Variants in TNNI3K observed in about 807,000 individuals in gnomAD.
TNNI3K encodes the protein TNNI3 interacting kinase, also known as serine/threonine-protein kinase TNNI3K.
Under a neutral mutation model 114.5 loss-of-function variants are expected in TNNI3K, and 140 were observed. That is an observed-to-expected ratio of 1.22 (90% confidence interval 1.07 to 1.41). The LOEUF (loss-of-function observed/expected upper bound fraction) is 1.41, where lower values mean the gene tolerates loss of function less well. Ranked by LOEUF, TNNI3K falls within the 40% of genes most tolerant of loss-of-function variation. The pLI, the probability that TNNI3K is intolerant of heterozygous loss-of-function variation, is 0.00. For synonymous variants in TNNI3K, 347 were observed against 347.5 expected (o/e 1.00, Z 0.02); for missense variants, 1,125 against 1,007.6 (o/e 1.12, Z -1.58).
chr1:74,427,942 G>T (rs1665713316), intron 17 of TNNI3K, among the ~76,000 whole-genome samples: 1 of 145,624 alleles, frequency 6.9e-6, no homozygotes, highest in Non-Finnish European at 1.5e-5. Context: ...AGAGTATGAG[G>T]TTTTTTTTTT....
chr1:74,352,410 G>A (rs1278437361), intron 9 of TNNI3K, among the ~76,000 whole-genome samples: 4 of 152,210 alleles, frequency 2.6e-5, no homozygotes, highest in Non-Finnish European at 4.4e-5. Context: ...GGCTACTCGG[G>A]GGTCAGGGAC....
chr1:74,348,960 C>T (rs1328759176), intron 9 of TNNI3K, among the ~76,000 whole-genome samples: 1 of 152,164 alleles, frequency 6.6e-6, no homozygotes, highest in African/African-American at 2.4e-5. Context: ...CATTTGACTT[C>T]CTCTTTTCCT....
At chr1:74,458,361 C>G (rs911922019) in intron 20 of TNNI3K, among the ~76,000 whole-genome samples, 2 of 152,174 alleles carry the variant, frequency 1.3e-5, no homozygotes, top group African/African-American at 4.8e-5. Flanking sequence ...ATTAGTATCT[C>G]CCAGAGAGTT....
Position 74,341,370 on chromosome 1 carries a change from T to G in TNNI3K, c.683-1472T>G, listed in dbSNP as rs185031724. 5.3e-5 allele frequency among the ~76,000 whole-genome samples: 8 copies of G among 152,308 alleles called. No homozygotes were observed. In the East Asian group the frequency reaches 1.5e-3, roughly 29 times the overall value. On this transcript the variant is annotated intron_variant, in intron 7 of 24. Transcript: ENST00000326637. ...GTCTAGTATGGGACAAGCATCATGC[T>G]AGATAGACGCTTTCCAATCATGATC... is the stretch of plus-strand genomic sequence containing the variant.
At chr1:74,270,526 T>C (rs1306340148) in intron 4 of TNNI3K, among the ~76,000 whole-genome samples, 2 of 151,878 alleles carry the variant, frequency 1.3e-5, no homozygotes, top group East Asian at 3.9e-4. Context: ...GACTATAACA[T>C]TAATTTTACT....
chr1:74,478,192 A>G (rs1570673696), intron 21 of TNNI3K, among the ~76,000 whole-genome samples: 1 of 152,192 alleles, frequency 6.6e-6, no homozygotes, highest in African/African-American at 2.4e-5. Flanking sequence ...GGAGCAAATT[A>G]ACATCAAAAA....
intron 21 of TNNI3K, chr1:74,470,161 A>C: frequency 2.5e-6 from 1 of 400,718 alleles, no homozygotes; most frequent in East Asian, 3.6e-5. Context: ...TTCACTGCAA[A>C]GTATTCTATT....
At chr1:74,394,887 A>G (rs1453273958) in intron 17 of TNNI3K, among the ~76,000 whole-genome samples, 1 of 152,090 alleles carries the variant, frequency 6.6e-6, no homozygotes, top group Non-Finnish European at 1.5e-5. Context: ...TACTAAAAAT[A>G]CAAACAATTA....
chr1:74,391,032 T>C (rs1260317670), intron 17 of TNNI3K, among the ~76,000 whole-genome samples: 3 of 138,182 alleles, frequency 2.2e-5, no homozygotes, highest in Non-Finnish European at 4.7e-5. Flanking sequence ...TAAAATAAAA[T>C]AAAACTTTAG....
intron 23 of TNNI3K, among the ~76,000 whole-genome samples, chr1:74,520,215 T>A (rs1199938944): frequency 6.6e-6 from 1 of 152,084 alleles, no homozygotes; most frequent in African/African-American, 2.4e-5. Context: ...TGCATCCTCA[T>A]ATACCTTGAT....
chr1:74,447,899 G>A (rs1570633084), intron 20 of TNNI3K, among the ~76,000 whole-genome samples: 1 of 5,672 alleles, frequency 1.8e-4, no homozygotes, highest in African/African-American at 8.1e-4. Context: ...AGAAAATGTG[G>A]CACATATACA....
chr1:74,483,059 A>G (rs1668582852), intron 21 of TNNI3K, among the ~76,000 whole-genome samples: 1 of 152,244 alleles, frequency 6.6e-6, no homozygotes, highest in African/African-American at 2.4e-5. Context: ...GTTACCTCTG[A>G]AGGTCTTTAA....
At chr1:74,318,558 ATTGT>A (rs1659442713) in intron 5 of TNNI3K, among the ~76,000 whole-genome samples, 1 of 152,136 alleles carries the variant, frequency 6.6e-6, no homozygotes, top group Admixed American at 6.5e-5. Context: ...GAATGGATAA[ATTGT>A]TTGATCCTCC....
intron 23 of TNNI3K, among the ~76,000 whole-genome samples, chr1:74,535,831 C>A (rs1166200325): frequency 1.3e-5 from 2 of 152,136 alleles, no homozygotes; most frequent in East Asian, 3.8e-4. Context: ...TCTAACCACT[C>A]GTCATCTGGA....
intron 20 of TNNI3K, among the ~76,000 whole-genome samples, chr1:74,442,516 C>T (rs993086951): frequency 1.1e-4 from 16 of 151,808 alleles, no homozygotes; most frequent in Non-Finnish European, 8.8e-5. Flanking sequence ...GAATTTGATT[C>T]GATTGTATTG....
At chr1:74,417,080 C>T (rs1174110672) in intron 17 of TNNI3K, among the ~76,000 whole-genome samples, 1 of 151,566 alleles carries the variant, frequency 6.6e-6, no homozygotes, top group African/African-American at 2.4e-5. Flanking sequence ...AACATATTAA[C>T]AGAGATATCT....
intron 5 of TNNI3K, among the ~76,000 whole-genome samples, chr1:74,293,991 A>G (rs1657832699): frequency 6.6e-6 from 1 of 151,816 alleles, no homozygotes; most frequent in South Asian, 2.1e-4. Context: ...GCTAATTTAC[A>G]TTGGTTTTGA....
chr1:74,512,491 A>T (rs375947096), intron 23 of TNNI3K: 11 of 152,254 alleles, frequency 7.2e-5, no homozygotes, highest in East Asian at 3.8e-4. Flanking sequence ...TCCAGCCATC[A>T]TAACAAAAAC....
intron 23 of TNNI3K, among the ~76,000 whole-genome samples, chr1:74,509,843 C>G (rs1344508487): frequency 1.3e-5 from 2 of 148,934 alleles, no homozygotes; most frequent in Non-Finnish European, 3.0e-5. Context: ...GCCTCAACTT[C>G]CCCAGGCTCA....
Sources: gnomAD v4.1 joint callset for allele counts (sites outside exome capture counted in the v4.1 genomes callset) on GRCh38, gnomAD v4.1.1 for gene constraint, MANE v1.5 for transcripts, NCBI Gene and HGNC (gene_info 2026-07-23, HGNC 2026-07-21) for gene names.